CNTN5: variants seen among roughly 807,000 people sequenced by gnomAD.
The protein encoded by CNTN5 is contactin-5.
CNTN5 carries 77 observed loss-of-function variants against 129.1 expected under a neutral mutation model. That is an observed-to-expected ratio of 0.60 (90% CI 0.50 to 0.72). The LOEUF (loss-of-function observed/expected upper bound fraction) is 0.72. Ranked by LOEUF, CNTN5 falls within the 30% of genes least tolerant of loss-of-function variation. The pLI is 0.00. For synonymous variants in CNTN5, 509 were observed against 465.6 expected, an observed-to-expected ratio of 1.09 and a Z score of -1.20; for missense variants, 1,478 against 1,328.8, an observed-to-expected ratio of 1.11 and a Z score of -1.75.
At chr11:99,299,598 C>G (rs1276005008) in intron 1 of CNTN5, among the ~76,000 whole-genome samples, 1 of 152,032 alleles carries the variant, frequency 6.6e-6, no homozygotes, top group Non-Finnish European at 1.5e-5. Flanking sequence ...CATTGTATAC[C>G]CATATATGTC....
At chr11:99,702,107 A>G (rs72983698) in intron 3 of CNTN5, among the ~76,000 whole-genome samples, 1,863 of 151,146 alleles carry the variant, frequency 0.012, 20 homozygotes, top group Non-Finnish European at 0.02. Flanking sequence ...ATTAGACAAA[A>G]GCTCACAAAA....
intron 7 of CNTN5, among the ~76,000 whole-genome samples, chr11:99,951,332 C>T (rs965610142): frequency 6.6e-6 from 1 of 151,652 alleles, no homozygotes; most frequent in Non-Finnish European, 1.5e-5. Flanking sequence ...TTTTTCCCAG[C>T]TCTATCTGAT....
intron 3 of CNTN5, among the ~76,000 whole-genome samples, chr11:99,665,184 A>C (rs1952739254): frequency 6.6e-6 from 1 of 152,214 alleles, no homozygotes; most frequent in Admixed American, 6.5e-5. Context: ...GGAAGTTAAC[A>C]CAGCAGCAGA....
At chr11:99,508,375 C>T (rs1024808459) in intron 2 of CNTN5, among the ~76,000 whole-genome samples, 2 of 152,172 alleles carry the variant, frequency 1.3e-5, no homozygotes, top group Non-Finnish European at 2.9e-5. Context: ...TTGTCATTTA[C>T]AGTCAGCCCT....
rs572625737 is a variant in CNTN5, at chr11:99,752,164, G to A, written c.56-67380G>A. On this transcript the variant is annotated intron_variant, in intron 3 of 24. Coordinates refer to ENST00000524871, the MANE Select transcript of CNTN5 (RefSeq NM_014361.4). ...TGTAATTGCTCCCTCTCTGCCTACA[G>A]GAATACATTAAAATTTTCTGTTTTG... Among the ~76,000 whole-genome samples, 118 of 152,254 alleles carry A rather than the reference G, an allele frequency of 7.8e-4. No individual in the cohort carries two copies. The Middle Eastern group carries it at 0.017, about 22-fold the overall frequency.
At position 99,021,276 on chromosome 11, in the gene CNTN5, T is replaced by C. The variant is rs1319603424; in HGVS notation, c.-210+6T>C. Reference sequence around the variant, plus strand: ...TGGAGTCTGGCATCTTATTGGTAAGTGGCTGACATTCCTTTGCCAGTGACT... The same window carrying C: ...TGGAGTCTGGCATCTTATTGGTAAGCGGCTGACATTCCTTTGCCAGTGACT... On this transcript the variant is annotated splice_donor_region_variant and intron_variant, in intron 1 of 24. Transcript: ENST00000524871. The C allele has an allele frequency of 6.6e-6, 1 of 152,286 alleles. No homozygotes were observed. The highest frequency in any genetic ancestry group is 2.4e-5 in the African/African-American group (1 of 41,454). 9.4% of individuals were successfully genotyped at this position (152,286 alleles called of 1,614,324 possible).
At chr11:100,107,639 A>T (rs1368790356) in intron 13 of CNTN5, among the ~76,000 whole-genome samples, 1 of 152,082 alleles carries the variant, frequency 6.6e-6, no homozygotes, top group Non-Finnish European at 1.5e-5. Context: ...TATATAGTGT[A>T]GTTGAGTGTG....
chr11:99,436,400 C>G (rs1195278334), intron 2 of CNTN5, among the ~76,000 whole-genome samples: 2 of 149,762 alleles, frequency 1.3e-5, no homozygotes, highest in African/African-American at 2.4e-5. Flanking sequence ...GTTATCGTCT[C>G]TAACTCTGCT....
At chr11:100,046,529 A>G (rs990127011) in intron 9 of CNTN5, among the ~76,000 whole-genome samples, 3 of 151,642 alleles carry the variant, frequency 2.0e-5, no homozygotes, top group Admixed American at 6.6e-5. Flanking sequence ...GTTATTTGTG[A>G]TTTGCTTTTT....
intron 2 of CNTN5, among the ~76,000 whole-genome samples, chr11:99,500,151 T>G (rs1172715331): frequency 6.6e-6 from 1 of 152,184 alleles, no homozygotes; most frequent in Non-Finnish European, 1.5e-5. Context: ...CAAAACACAC[T>G]CAAATATTAG....
chr11:99,336,539 T>C (rs61894573), intron 2 of CNTN5, among the ~76,000 whole-genome samples: 11,154 of 152,188 alleles, frequency 0.073, 637 homozygotes, highest in East Asian at 0.21. Flanking sequence ...TCTTATAAAC[T>C]AGACAAGAAT....
chr11:99,616,824 A>G (rs1020050480), intron 3 of CNTN5, among the ~76,000 whole-genome samples: 4 of 152,198 alleles, frequency 2.6e-5, no homozygotes, highest in Non-Finnish European at 4.4e-5. Flanking sequence ...AAAACTGTCA[A>G]TTATGGCCTG....
Position 100,061,449 on chromosome 11 carries a change from G to A in CNTN5, c.1162+56G>A, listed in dbSNP as rs903027207. 4.7e-6 allele frequency: 6 copies of A among 1,269,750 alleles called. No homozygotes were observed. In the South Asian group the frequency reaches 7.3e-5, roughly 16 times the overall value. The allele number at this position is 1,269,750 out of a possible 1,614,324, so 78.7% of individuals were successfully genotyped here. A position where few individuals can be genotyped will look rare whatever the true frequency, so the allele number is the denominator to read the frequency against. On this transcript the variant is annotated intron_variant, in intron 10 of 24. Coordinates refer to ENST00000524871, the MANE Select transcript of CNTN5 (RefSeq NM_014361.4). ...TAGTCCCAAAAGTCAAACTGAAAGT[G>A]GAAATTAACTTTAACTAAATATTGT...
At chr11:99,884,916 G>A (rs1948860456) in intron 6 of CNTN5, among the ~76,000 whole-genome samples, 1 of 152,108 alleles carries the variant, frequency 6.6e-6, no homozygotes, top group South Asian at 2.1e-4. Flanking sequence ...GGCAGAGGTT[G>A]CAGTCAGCCG....
intron 15 of CNTN5, among the ~76,000 whole-genome samples, chr11:100,222,156 A>G (rs1949278153): frequency 6.6e-6 from 1 of 152,220 alleles, no homozygotes; most frequent in African/African-American, 2.4e-5. Flanking sequence ...GATAGAATCT[A>G]AAAGAGAAGA....
chr11:99,783,937 A>G (rs958394883), intron 3 of CNTN5, among the ~76,000 whole-genome samples: 2 of 151,832 alleles, frequency 1.3e-5, no homozygotes, highest in South Asian at 2.1e-4. Context: ...AACCTGCACA[A>G]TGTGCACATG....
At chr11:99,998,558 A>G (rs1939616238) in intron 8 of CNTN5, among the ~76,000 whole-genome samples, 1 of 141,918 alleles carries the variant, frequency 7.0e-6, no homozygotes, top group Non-Finnish European at 1.5e-5. Context: ...AAGAATCAAT[A>G]TCGTGAAAAT....
chr11:100,069,563 T>C (rs1943825183), intron 10 of CNTN5, among the ~76,000 whole-genome samples: 1 of 152,148 alleles, frequency 6.6e-6, no homozygotes, highest in South Asian at 2.1e-4. Flanking sequence ...GCTCTGTTTC[T>C]GTATTCTTAA....
intron 6 of CNTN5, among the ~76,000 whole-genome samples, chr11:99,910,392 C>T (rs140710722): frequency 2.6e-5 from 4 of 152,162 alleles, no homozygotes; most frequent in Admixed American, 1.3e-4. Flanking sequence ...CCATTCTGTG[C>T]AGACAAATGA....
Sources: gnomAD v4.1 joint callset for allele counts (sites outside exome capture counted in the v4.1 genomes callset) on GRCh38, gnomAD v4.1.1 for gene constraint, MANE v1.5 for transcripts, NCBI Gene and HGNC (gene_info 2026-07-23, HGNC 2026-07-21) for gene names.